NKAIN3: variants seen among roughly 807,000 people sequenced by gnomAD.
NKAIN3 encodes the protein sodium/potassium-transporting ATPase subunit beta-1-interacting protein 3.
NKAIN3 carries 25 observed loss-of-function variants against 30.2 expected under a neutral mutation model. The observed-to-expected ratio is 0.83, with a 90% confidence interval of 0.60 to 1.16. NKAIN3 has a LOEUF of 1.16. NKAIN3 is among the 50% of genes most tolerant of loss of function. NKAIN3 has a pLI of 0.00. For missense variants in NKAIN3, 225 were observed against 254.1 expected (o/e 0.89, Z 0.78); for synonymous variants, 91 against 89.6 (o/e 1.02, Z -0.09).
intron 1 of NKAIN3, among the ~76,000 whole-genome samples, chr8:62,520,812 A>C (rs1444650256): frequency 6.6e-6 from 1 of 152,046 alleles, no homozygotes; most frequent in Non-Finnish European, 1.5e-5. Flanking sequence ...ACTGGAAAAC[A>C]ATATATAGGT....
intron 1 of NKAIN3, among the ~76,000 whole-genome samples, chr8:62,489,826 G>A (rs1001076685): frequency 4.6e-5 from 7 of 152,130 alleles, no homozygotes; most frequent in African/African-American, 1.4e-4. Context: ...TGGTGGATAC[G>A]TGGAGCAGTG....
chr8:62,352,412 A>G (rs973511034), intron 1 of NKAIN3, among the ~76,000 whole-genome samples: 13 of 152,138 alleles, frequency 8.5e-5, no homozygotes, highest in African/African-American at 3.1e-4. Context: ...TGATTCCAAT[A>G]TTAGACTTGA....
chr8:62,932,077 G>A (rs1822634739), intron 5 of NKAIN3, among the ~76,000 whole-genome samples: 1 of 152,142 alleles, frequency 6.6e-6, no homozygotes. Flanking sequence ...AGACTTTTAA[G>A]TCCCTTAAAT....
At chr8:62,942,325 A>G (rs1401260609) in intron 5 of NKAIN3, among the ~76,000 whole-genome samples, 1 of 149,048 alleles carries the variant, frequency 6.7e-6, no homozygotes, top group Admixed American at 6.7e-5. Flanking sequence ...ATACCTAACC[A>G]AGGAGGTGAA....
intron 3 of NKAIN3, among the ~76,000 whole-genome samples, chr8:62,611,065 CCAGA>C (rs929648695): frequency 6.6e-6 from 1 of 152,048 alleles, no homozygotes; most frequent in African/African-American, 2.4e-5. Context: ...CCACTATCAG[CCAGA>C]CAGTCTTTAG....
intron 1 of NKAIN3, among the ~76,000 whole-genome samples, chr8:62,312,994 G>A (rs1457666240): frequency 6.6e-6 from 1 of 151,694 alleles, no homozygotes; most frequent in Non-Finnish European, 1.5e-5. Context: ...TTTCAGGAGA[G>A]AATAGTTGAC....
chr8:62,545,898 G>A (rs1403169908), intron 1 of NKAIN3, among the ~76,000 whole-genome samples: 1 of 152,164 alleles, frequency 6.6e-6, no homozygotes, highest in Non-Finnish European at 1.5e-5. Flanking sequence ...CAAAAAGGCA[G>A]TGTAAGTCAC....
chr8:62,759,871 G>C (rs1003202473), intron 4 of NKAIN3, among the ~76,000 whole-genome samples: 3 of 152,078 alleles, frequency 2.0e-5, no homozygotes, highest in African/African-American at 7.2e-5. Flanking sequence ...CTACTCATCT[G>C]ACACAGGGCT....
At chr8:62,792,139 T>C (rs932230098) in intron 4 of NKAIN3, among the ~76,000 whole-genome samples, 8 of 152,148 alleles carry the variant, frequency 5.3e-5, no homozygotes, top group Admixed American at 1.3e-4. Flanking sequence ...GTGGCTTCAA[T>C]GTGAATACTC....
chr8:62,394,010 T>C (rs890013847), intron 1 of NKAIN3, among the ~76,000 whole-genome samples: 4 of 152,196 alleles, frequency 2.6e-5, no homozygotes, highest in African/African-American at 9.6e-5. Context: ...ATTTTCTACA[T>C]ACACCATGTC....
At chr8:62,418,901 T>C (rs1804543765) in intron 1 of NKAIN3, among the ~76,000 whole-genome samples, 1 of 152,180 alleles carries the variant, frequency 6.6e-6, no homozygotes, top group Admixed American at 6.5e-5. Context: ...GGGAAGGTTG[T>C]AGCTTCAAGT....
At chr8:62,763,471 TTAATG>T (rs1435548435) in intron 4 of NKAIN3, among the ~76,000 whole-genome samples, 3 of 152,106 alleles carry the variant, frequency 2.0e-5, no homozygotes, top group African/African-American at 4.8e-5. Context: ...TTTAAATTGA[TTAATG>T]TAAACAGCTC....
chr8:62,676,124 G>C (rs1166241598), intron 3 of NKAIN3, among the ~76,000 whole-genome samples: 3 of 152,168 alleles, frequency 2.0e-5, no homozygotes, highest in Admixed American at 6.5e-5. Context: ...AGGTAGCTAG[G>C]TAACATTGAT....
intron 1 of NKAIN3, among the ~76,000 whole-genome samples, chr8:62,415,582 A>G (rs1804418781): frequency 6.6e-6 from 1 of 150,942 alleles, no homozygotes. Flanking sequence ...TTTTAATTAC[A>G]GGTTACATAT....
chr8:62,838,129 C>CTGTGTGTGTG (rs4031520), intron 4 of NKAIN3, among the ~76,000 whole-genome samples: 1 of 147,634 alleles, frequency 6.8e-6, no homozygotes, highest in Non-Finnish European at 1.5e-5. Context: ...CAATACCGCT[C>CTGTGTGTGTG]TGTGTGTGTG....
chr8:62,265,134 A>G (rs887986466), intron 1 of NKAIN3, among the ~76,000 whole-genome samples: 3 of 152,186 alleles, frequency 2.0e-5, no homozygotes, highest in African/African-American at 7.2e-5. Context: ...GTCAGTGTAT[A>G]AGTGATGTAT....
intron 4 of NKAIN3, among the ~76,000 whole-genome samples, chr8:62,784,671 A>G (rs760587833): frequency 4.6e-5 from 7 of 152,170 alleles, no homozygotes; most frequent in Non-Finnish European, 1.0e-4. Context: ...TGATAGCTTC[A>G]CTGGTGAATT....
chr8:62,527,881 T>TGG (rs1252254786), intron 1 of NKAIN3, among the ~76,000 whole-genome samples: 1 of 69,998 alleles, frequency 1.4e-5, no homozygotes, highest in African/African-American at 4.4e-5. Context: ...TACTTTTTTT[T>TGG]GGTGTGTGTG....
chr8:62,590,557 A>C (rs552637183), intron 3 of NKAIN3, among the ~76,000 whole-genome samples: 1 of 152,006 alleles, frequency 6.6e-6, no homozygotes, highest in Non-Finnish European at 1.5e-5. Context: ...AGTATAAGAA[A>C]GCTGTCATAT....
Sources: allele counts gnomAD v4.1 joint callset (sites outside exome capture counted in the v4.1 genomes callset), GRCh38; gene constraint gnomAD v4.1.1; transcripts MANE v1.5; gene names NCBI Gene and HGNC (gene_info 2026-07-23, HGNC 2026-07-21).